Variants in YIPF4 observed in about 807,000 individuals in gnomAD.
The protein encoded by YIPF4 is Yip1 domain family member 4.
In YIPF4, 18 loss-of-function variants were observed where a neutral mutation model predicts 29.4. The ratio of observed to expected loss-of-function variants is 0.61; its 90% CI spans 0.42 to 0.91. YIPF4 has a LOEUF of 0.91. YIPF4 is among the 40% of genes least tolerant of loss of function. YIPF4 has a pLI of 0.00. For missense variants in YIPF4, 279 were observed against 282.7 expected (o/e 0.99, Z 0.09); for synonymous variants, 115 against 104.7 (o/e 1.10, Z -0.60).
chr2:32,296,387 C>T (rs1345210543), intron 3 of YIPF4, among the ~76,000 whole-genome samples: 1 of 151,368 alleles, frequency 6.6e-6, no homozygotes, highest in Non-Finnish European at 1.5e-5. Flanking sequence ...CAGAGAATTG[C>T]TTGAACCCGG....
At chr2:32,293,345 G>A (rs530526064) in intron 3 of YIPF4, among the ~76,000 whole-genome samples, 2 of 152,214 alleles carry the variant, frequency 1.3e-5, no homozygotes, top group African/African-American at 2.4e-5. Context: ...ATCTTGCACC[G>A]CCCTTAACCC....
chr2:32,293,445 T>C (rs2031009649), intron 3 of YIPF4, among the ~76,000 whole-genome samples: 2 of 152,210 alleles, frequency 1.3e-5, no homozygotes, highest in Non-Finnish European at 2.9e-5. Flanking sequence ...GGCAGAAGAA[T>C]TTTTCTTAGT....
At position 32,305,638 on chromosome 2, in the gene YIPF4, C is replaced by A. The variant is rs748218058; in HGVS notation, c.*12C>A. 34 of 1,555,432 alleles carry A rather than the reference C, an allele frequency of 2.2e-5. No homozygotes were observed. Among genetic ancestry groups the A allele is most frequent in the Non-Finnish European group, 2.7e-5 (31 of 1,154,454 alleles). On this transcript the variant is annotated 3_prime_UTR_variant, in exon 6 of 6. Transcript: ENST00000238831. Reference sequence around the variant, plus strand: ...ATACTGGTGTGTGATCCAAGTTATACATGAATAGAAAAAGATGGTGTTAAA... The same window carrying A: ...ATACTGGTGTGTGATCCAAGTTATAAATGAATAGAAAAAGATGGTGTTAAA...
chr2:32,298,797 G>A (rs374910613), intron 4 of YIPF4, among the ~76,000 whole-genome samples: 3 of 151,972 alleles, frequency 2.0e-5, no homozygotes, highest in East Asian at 3.8e-4. Flanking sequence ...AACCTCAAGC[G>A]ATCTGCCTGT....
At position 32,310,154 on chromosome 2, in the gene YIPF4, C is replaced by A. The variant is rs2031688318; in HGVS notation, c.*4528C>A. ...TATTATTCTCCTTCATAAATGGTTT[C>A]TTTAATTGAACCTTTGAGCCTTATA... On this transcript the variant is annotated 3_prime_UTR_variant, in exon 6 of 6. Transcript: ENST00000238831. The A allele has an allele frequency of 6.6e-6, 1 of 152,100 alleles. No homozygotes were observed. The highest frequency in any genetic ancestry group is 2.4e-5 in the African/African-American group (1 of 41,420). The allele number at this position is 152,100 out of a possible 1,614,324, so 9.4% of individuals were successfully genotyped here.
rs1156442788 is a variant in YIPF4 at position 32,282,242 on chromosome 2, G to A, written c.79+4008G>A. Among the ~76,000 whole-genome samples, 3 of 152,034 alleles carry A rather than the reference G, an allele frequency of 2.0e-5. No homozygotes were observed. The East Asian group carries it at 5.8e-4, about 29-fold the overall frequency. ...GCCCAGGAGTCTGAGGCCACCCAGG[G>A]GAACGTAGTGACACCCCATCTCAAA... On this transcript the variant is annotated intron_variant, in intron 1 of 5. Transcript: ENST00000238831.
chr2:32,280,604 G>A (rs529350679), intron 1 of YIPF4, among the ~76,000 whole-genome samples: 16 of 151,992 alleles, frequency 1.1e-4, no homozygotes, highest in African/African-American at 3.4e-4. Context: ...GGATGGTCTC[G>A]ATCTCCTGAC....
chr2:32,297,686 AAAAG>A (rs1249240346), intron 3 of YIPF4, among the ~76,000 whole-genome samples: 1 of 152,046 alleles, frequency 6.6e-6, no homozygotes, highest in African/African-American at 2.4e-5. Flanking sequence ...AATAAATAAT[AAAAG>A]AAACCAGTAT....
Position 32,309,551 on chromosome 2 carries a change from G to A in YIPF4, c.*3925G>A, listed in dbSNP as rs1016212672. 6.6e-6 allele frequency: 1 copy of A among 152,068 alleles called. No individual in the cohort carries two copies. The highest frequency in any genetic ancestry group is 1.5e-5 in the Non-Finnish European group (1 of 68,028). The allele number at this position is 152,068 out of a possible 1,614,324, so 9.4% of individuals were successfully genotyped here. A position where few individuals can be genotyped will look rare whatever the true frequency, so the allele number is the denominator to read the frequency against. ...TAAAAATTTTGTGATGTAACAAAAT[G>A]TTGAATGAAATAATGCTTCTACAAC... is the stretch of plus-strand genomic sequence containing the variant. On this transcript the variant is annotated 3_prime_UTR_variant, in exon 6 of 6. Coordinates refer to ENST00000238831, the MANE Select transcript of YIPF4 (RefSeq NM_032312.4).
intron 2 of YIPF4, 23 bp downstream of exon 2, chr2:32,290,659 A>AT (rs764760597): frequency 1.4e-6 from 2 of 1,387,794 alleles, no homozygotes; most frequent in Admixed American, 2.8e-5. Context: ...AATAATATAT[A>AT]TTTTTTGTTT....
chr2:32,311,569 T>G lies in YIPF4; in HGVS notation c.*5943T>G, dbSNP rs1199843968. 1 of 152,198 alleles carries G rather than the reference T, an allele frequency of 6.6e-6. No homozygotes were observed. Among genetic ancestry groups the G allele is most frequent in the East Asian group, 1.9e-4 (1 of 5,200 alleles). The allele number at this position is 152,198 out of a possible 1,614,324, so 9.4% of individuals were successfully genotyped here. A position where few individuals can be genotyped will look rare whatever the true frequency, so the allele number is the denominator to read the frequency against. On this transcript the variant is annotated 3_prime_UTR_variant, in exon 6 of 6. Transcript: ENST00000238831. Reference sequence around the variant, plus strand: ...ATACTAATGCTGTTGCTGAGATAATTAAGTTAGATACTAATATGAAAAAGA... The same window carrying G: ...ATACTAATGCTGTTGCTGAGATAATGAAGTTAGATACTAATATGAAAAAGA...
chr2:32,302,362 T>G (rs561582398), intron 5 of YIPF4, among the ~76,000 whole-genome samples: 42 of 152,254 alleles, frequency 2.8e-4, no homozygotes, highest in Non-Finnish European at 5.4e-4. Flanking sequence ...ATTTAAAATT[T>G]ATTTTCTGTA....
At chr2:32,288,569 G>A (rs536351293) in intron 1 of YIPF4, among the ~76,000 whole-genome samples, 1 of 152,294 alleles carries the variant, frequency 6.6e-6, no homozygotes, top group African/African-American at 2.4e-5. Context: ...AGCACTTGGG[G>A]AAGGCCAGGG....
intron 1 of YIPF4, among the ~76,000 whole-genome samples, chr2:32,288,857 C>A (rs1479556363): frequency 6.6e-6 from 1 of 152,018 alleles, no homozygotes; most frequent in South Asian, 2.1e-4. Flanking sequence ...GTAATCCCAA[C>A]TCAGGAGGCT....
intron 3 of YIPF4, among the ~76,000 whole-genome samples, chr2:32,293,914 C>T (rs1367240399): frequency 6.1e-5 from 9 of 147,962 alleles, no homozygotes; most frequent in Non-Finnish European, 1.1e-4. Context: ...ACCTCCCTCC[C>T]GGACGGGGCG....
In YIPF4 at chr2:32,314,375, C is replaced by T. The variant is rs1010866834; in HGVS notation, c.*8749C>T. On this transcript the variant is annotated 3_prime_UTR_variant, in exon 6 of 6. Coordinates refer to ENST00000238831, the MANE Select transcript of YIPF4 (RefSeq NM_032312.4). ...CATACTGAAATGCAGTCTTTTAAAA[C>T]AGCTTTAGAATTCCTTGGCCAGGTG... 3 of 152,160 alleles carry T rather than the reference C, an allele frequency of 2.0e-5. No homozygotes were observed. Among genetic ancestry groups the T allele is most frequent in the African/African-American group, 4.8e-5 (2 of 41,438 alleles). 9.4% of individuals were successfully genotyped at this position (152,160 alleles called of 1,614,324 possible).
chr2:32,304,761 G>C (rs2031520058), intron 5 of YIPF4, among the ~76,000 whole-genome samples: 1 of 152,140 alleles, frequency 6.6e-6, no homozygotes, highest in African/African-American at 2.4e-5. Flanking sequence ...TTTCCTTGAA[G>C]TTTTTCCTTA....
chr2:32,286,409 CAGAT>C (rs1345017356), intron 1 of YIPF4, among the ~76,000 whole-genome samples: 1 of 151,956 alleles, frequency 6.6e-6, no homozygotes, highest in Non-Finnish European at 1.5e-5. Flanking sequence ...TTTTGTTTAT[CAGAT>C]AAATTACAGA....
intron 1 of YIPF4, among the ~76,000 whole-genome samples, chr2:32,279,709 G>A (rs1045428647): frequency 2.0e-5 from 3 of 151,688 alleles, no homozygotes; most frequent in African/African-American, 4.8e-5. Context: ...GCGCCCGGCC[G>A]AAAGAACCTA....
Sources: allele counts gnomAD v4.1 joint callset (sites outside exome capture counted in the v4.1 genomes callset), GRCh38; gene constraint gnomAD v4.1.1; transcripts MANE v1.5; gene names NCBI Gene and HGNC (gene_info 2026-07-23, HGNC 2026-07-21).